GRID2: variants seen among roughly 807,000 people sequenced by gnomAD.
GRID2 encodes glutamate ionotropic receptor delta type subunit 2, also known as glutamate receptor ionotropic, delta-2.
A neutral mutation model predicts 114.8 loss-of-function variants in GRID2; 33 were observed. The ratio of observed to expected loss-of-function variants is 0.29; its 90% CI spans 0.22 to 0.38. The LOEUF is 0.38. Among genes scored for constraint, GRID2 ranks in the 10% least tolerant of loss-of-function variants. GRID2 has a pLI of 1.00. For synonymous variants in GRID2, 505 were observed against 449.9 expected (o/e 1.12, Z -1.55); for missense variants, 1,184 against 1,257.7 (o/e 0.94, Z 0.89).
At chr4:92,871,439 T>C (rs1745272615) in intron 2 of GRID2, among the ~76,000 whole-genome samples, 1 of 152,188 alleles carries the variant, frequency 6.6e-6, no homozygotes, top group Admixed American at 6.5e-5. Context: ...CCTAACATGA[T>C]GCAATTATTA....
At chr4:92,327,814 C>A (rs1374171483) in intron 1 of GRID2, among the ~76,000 whole-genome samples, 3 of 151,798 alleles carry the variant, frequency 2.0e-5, no homozygotes, top group South Asian at 4.2e-4. Context: ...TTGGCTGTTC[C>A]CCTCACGTAG....
At chr4:93,397,459 C>G (rs1418397079) in intron 9 of GRID2, among the ~76,000 whole-genome samples, 1 of 152,094 alleles carries the variant, frequency 6.6e-6, no homozygotes, top group South Asian at 2.1e-4. Flanking sequence ...GGTATATGTG[C>G]TTTGTTTTCC....
At chr4:92,691,423 A>G (rs890456237) in intron 2 of GRID2, among the ~76,000 whole-genome samples, 1 of 152,076 alleles carries the variant, frequency 6.6e-6, no homozygotes, top group African/African-American at 2.4e-5. Flanking sequence ...GGGCCAGCAC[A>G]GTGGGAGACT....
intron 2 of GRID2, among the ~76,000 whole-genome samples, chr4:92,926,597 A>T (rs2149514418): frequency 6.6e-6 from 1 of 152,154 alleles, no homozygotes; most frequent in African/African-American, 2.4e-5. Flanking sequence ...GTTAGTAAAT[A>T]AATGATTATT....
chr4:92,923,727 A>G (rs970154228), intron 2 of GRID2, among the ~76,000 whole-genome samples: 7 of 152,168 alleles, frequency 4.6e-5, no homozygotes, highest in Admixed American at 2.0e-4. Flanking sequence ...CTCCATGAAT[A>G]TTCACCAGTG....
chr4:92,822,406 C>G (rs1229025386), intron 2 of GRID2: 2 of 574,150 alleles, frequency 3.5e-6, no homozygotes, highest in Non-Finnish European at 6.8e-6. Flanking sequence ...GATTCCGTAC[C>G]TTGACCAGCT....
chr4:92,815,310 A>T (rs1403590044), intron 2 of GRID2, among the ~76,000 whole-genome samples: 2 of 152,164 alleles, frequency 1.3e-5, no homozygotes, highest in African/African-American at 4.8e-5. Context: ...ATGTGTGGGC[A>T]TATATGGGTG....
At chr4:92,378,951 C>A (rs1179236200) in intron 1 of GRID2, among the ~76,000 whole-genome samples, 3 of 151,330 alleles carry the variant, frequency 2.0e-5, no homozygotes, top group African/African-American at 7.3e-5. Flanking sequence ...TAAAATAAAC[C>A]TTTATATATT....
intron 10 of GRID2, among the ~76,000 whole-genome samples, chr4:93,454,304 A>G (rs1722986105): frequency 6.6e-6 from 1 of 152,110 alleles, no homozygotes; most frequent in Non-Finnish European, 1.5e-5. Context: ...CATTTGGAAA[A>G]TGAATGATAG....
chr4:92,343,581 T>C (rs181938097), intron 1 of GRID2, among the ~76,000 whole-genome samples: 1 of 150,826 alleles, frequency 6.6e-6, no homozygotes, highest in East Asian at 1.9e-4. Context: ...TTATATTATA[T>C]ATATATTTGG....
chr4:93,198,387 C>A (rs531842526), intron 4 of GRID2, among the ~76,000 whole-genome samples: 3 of 149,476 alleles, frequency 2.0e-5, no homozygotes, highest in Non-Finnish European at 4.4e-5. Context: ...CATGCAGAGA[C>A]CTAAATGAAA....
intron 2 of GRID2, among the ~76,000 whole-genome samples, chr4:92,968,182 G>T (rs891848887): frequency 6.6e-6 from 1 of 151,852 alleles, no homozygotes; most frequent in Non-Finnish European, 1.5e-5. Flanking sequence ...CTAGTGTGAT[G>T]AACTCTGGTG....
chr4:92,904,141 G>A (rs1433519889), intron 2 of GRID2, among the ~76,000 whole-genome samples: 3 of 151,250 alleles, frequency 2.0e-5, no homozygotes, highest in Admixed American at 2.0e-4. Flanking sequence ...ATAATTCCTT[G>A]GAATTTAATA....
rs145042935 is a variant in GRID2 at position 93,230,510 on chromosome 4, A to G, written c.1125+5735A>G. ...TTTGTTTTATTATATTATGTAATTA[A>G]GTTGTTTTTATTAGTAACTTGTACA... On this transcript the variant is annotated intron_variant, in intron 7 of 15. Coordinates refer to ENST00000282020, the MANE Select transcript of GRID2 (RefSeq NM_001510.4). Among the ~76,000 whole-genome samples the G allele has an allele frequency of 1.5e-3, 229 of 152,260 alleles. 2 individuals carry two copies. The highest frequency in any genetic ancestry group is 4.9e-3 in the African/African-American group (203 of 41,566).
chr4:93,269,265 A>G (rs1751174255), intron 8 of GRID2, among the ~76,000 whole-genome samples: 1 of 152,182 alleles, frequency 6.6e-6, no homozygotes, highest in South Asian at 2.1e-4. Flanking sequence ...CCCCAAATTA[A>G]TAAAATCAGA....
chr4:92,747,737 T>C (rs749506995), intron 2 of GRID2, among the ~76,000 whole-genome samples: 2 of 152,170 alleles, frequency 1.3e-5, no homozygotes, highest in Non-Finnish European at 2.9e-5. Flanking sequence ...CTATTAAGAA[T>C]CAAAAGCATT....
intron 2 of GRID2, among the ~76,000 whole-genome samples, chr4:92,708,159 T>C (rs1014651834): frequency 3.3e-5 from 5 of 152,122 alleles, no homozygotes; most frequent in African/African-American, 1.2e-4. Flanking sequence ...GCACTGGACT[T>C]CCCACAGTTT....
chr4:92,868,855 G>T (rs1171192174), intron 2 of GRID2, among the ~76,000 whole-genome samples: 2 of 151,964 alleles, frequency 1.3e-5, no homozygotes, highest in East Asian at 3.9e-4. Flanking sequence ...AATATTGCCA[G>T]AATATGTTTC....
chr4:93,395,692 G>A lies in GRID2; in HGVS notation c.1331G>A (p.Arg444His), dbSNP rs778480880. ...LENNMRGVVL[R>H]VVTVLEEPFV... ...AATAACATGCGTGGAGTGGTTCTAC[G>A]TGTAGTAACTGTTCTGGTAAGTATT... Residue 444 changes from arginine to histidine, a missense_variant, in exon 9 of 16, where the codon CGT becomes CAT. Around this residue, in one of 3 missense-constraint regions of GRID2, gnomAD observed 717 missense variants for 796.9 expected, o/e 0.90. Transcript: ENST00000282020. 32 of 1,503,544 alleles carry A rather than the reference G, an allele frequency of 2.1e-5. No homozygotes were observed. The highest frequency in any genetic ancestry group is 2.0e-4 in the East Asian group (9 of 44,290). The allele number at this position is 1,503,544 out of a possible 1,614,324, so 93.1% of individuals were successfully genotyped here. A position where few individuals can be genotyped will look rare whatever the true frequency, so the allele number is the denominator to read the frequency against.
Sources: gnomAD v4.1 joint callset for allele counts (sites outside exome capture counted in the v4.1 genomes callset) on GRCh38, gnomAD v4.1.1 for gene constraint, gnomAD v4.1.1 regional missense constraint, MANE v1.5 for transcripts, NCBI Gene and HGNC (gene_info 2026-07-23, HGNC 2026-07-21) for gene names.